CSTF3: variants seen among roughly 807,000 people sequenced by gnomAD.
CSTF3 encodes CF-1 77 kDa subunit.
Under a neutral mutation model 105.8 loss-of-function variants are expected in CSTF3, and 29 were observed. That is an observed-to-expected ratio of 0.27 (90% confidence interval 0.20 to 0.37). The LOEUF is 0.37. Ranked by LOEUF, CSTF3 falls within the 10% of genes least tolerant of loss-of-function variation. The probability of loss-of-function intolerance (pLI) is 1.00; values close to 1 mark genes in which losing one functional copy is unlikely to be tolerated. For synonymous variants in CSTF3, 252 were observed against 281.9 expected (o/e 0.89, Z 1.06); for missense variants, 357 against 879.3 (o/e 0.41, Z 7.51).
chr11:33,107,958 A>G lies in CSTF3; in HGVS notation c.301T>C (p.Trp101Arg), dbSNP rs976474876. The G allele has an allele frequency of 6.2e-7, 1 of 1,611,838 alleles. No homozygotes were observed. The highest frequency in any genetic ancestry group is 8.5e-7 in the Non-Finnish European group (1 of 1,179,072). Residue 101 changes from tryptophan (W) to arginine (R), a missense_variant, in exon 5 of 21, where the codon TGG becomes CGG. This residue lies in a region of CSTF3 where 78 missense variants were observed against 180.4 expected (regional missense o/e 0.43). Transcript: ENST00000323959. ...CLMKVLHIDLWKCYLSYVRET... is the reference protein window; with the variant it reads ...CLMKVLHIDLRKCYLSYVRET... ...CGGACATATGAAAGATAACACTTCC[A>G]TAAATCAATGTGCAAAACCTTCATA...
intron 1 of CSTF3, among the ~76,000 whole-genome samples, chr11:33,147,261 C>T (rs1168145651): frequency 2.0e-5 from 3 of 151,808 alleles, no homozygotes; most frequent in Non-Finnish European, 4.4e-5. Flanking sequence ...TGCGCCACTG[C>T]ACTCCAGCCT....
intron 1 of CSTF3, among the ~76,000 whole-genome samples, chr11:33,159,642 G>A (rs1004192689): frequency 1.3e-5 from 2 of 150,158 alleles, no homozygotes; most frequent in Non-Finnish European, 3.0e-5. Flanking sequence ...GCATGGTGGC[G>A]CGCGCCTGTA....
At chr11:33,127,506 TTATTTA>T (rs1855555763) in intron 3 of CSTF3, among the ~76,000 whole-genome samples, 1 of 152,180 alleles carries the variant, frequency 6.6e-6, no homozygotes, top group Non-Finnish European at 1.5e-5. Context: ...CAACACATTC[TTATTTA>T]TATTTCTCTC....
chr11:33,087,963 G>A (rs894315537), intron 17 of CSTF3, among the ~76,000 whole-genome samples: 3 of 152,168 alleles, frequency 2.0e-5, no homozygotes, highest in Non-Finnish European at 4.4e-5. Context: ...CTCTGCTCCA[G>A]ACAACCCAGT....
At chr11:33,151,763 T>C (rs1311230877) in intron 1 of CSTF3, among the ~76,000 whole-genome samples, 1 of 152,242 alleles carries the variant, frequency 6.6e-6, no homozygotes, top group Non-Finnish European at 1.5e-5. Flanking sequence ...TCTTATGTTT[T>C]ACCTTCTGAA....
chr11:33,139,892 GA>G (rs1855692012), intron 3 of CSTF3, among the ~76,000 whole-genome samples: 1 of 151,906 alleles, frequency 6.6e-6, no homozygotes, highest in Non-Finnish European at 1.5e-5. Context: ...TGGTCTTCCT[GA>G]AACTTTTTTT....
chr11:33,117,137 C>T (rs904724801), intron 3 of CSTF3, among the ~76,000 whole-genome samples: 4 of 151,940 alleles, frequency 2.6e-5, no homozygotes, highest in Admixed American at 2.0e-4. Flanking sequence ...GTAGGGTATA[C>T]AATACCTAAG....
In CSTF3 at chr11:33,099,545, G is replaced by A; in HGVS notation, c.936+63C>T. The A allele has an allele frequency of 9.5e-7, 1 of 1,052,586 alleles. No individual in the cohort carries two copies. Among genetic ancestry groups the A allele is most frequent in the East Asian group, 2.6e-5 (1 of 38,854 alleles). The allele number at this position is 1,052,586 out of a possible 1,614,324, so 65.2% of individuals were successfully genotyped here. A position where few individuals can be genotyped will look rare whatever the true frequency, so the allele number is the denominator to read the frequency against. On this transcript the variant is annotated intron_variant, in intron 11 of 20. Transcript: ENST00000323959. The surrounding 1 kb of genome is among the most constrained non-coding windows in gnomAD (Gnocchi z 4.1). ...TACCAAAATTCAGTTATATTTTTCAGTAAATAATTGCTATATCAAAACCAC... is the reference window on the plus strand; with the variant it reads ...TACCAAAATTCAGTTATATTTTTCAATAAATAATTGCTATATCAAAACCAC...
chr11:33,140,774 T>A (rs550526433), intron 3 of CSTF3, among the ~76,000 whole-genome samples: 1 of 152,182 alleles, frequency 6.6e-6, no homozygotes, highest in South Asian at 2.1e-4. Flanking sequence ...ATATTAAAAA[T>A]AAGAGTACTG....
intron 16 of CSTF3, 76 bp downstream of exon 16, chr11:33,092,195 A>T: frequency 1.0e-6 from 1 of 962,638 alleles, no homozygotes; most frequent in South Asian, 1.9e-5. Flanking sequence ...TCAAGCAAAC[A>T]TTCACCCCAT....
intron 16 of CSTF3, among the ~76,000 whole-genome samples, chr11:33,091,018 A>G (rs1165516320): frequency 6.6e-6 from 1 of 152,104 alleles, no homozygotes; most frequent in African/African-American, 2.4e-5. Context: ...TTGAGTTTTT[A>G]CTTATTTAGT....
chr11:33,130,320 A>G (rs760275071), intron 3 of CSTF3, among the ~76,000 whole-genome samples: 2 of 152,086 alleles, frequency 1.3e-5, no homozygotes, highest in Non-Finnish European at 2.9e-5. Flanking sequence ...TAAAGATACA[A>G]AAATTAGCCA....
At chr11:33,104,798 T>C (rs974546513) in intron 8 of CSTF3, among the ~76,000 whole-genome samples, 1 of 152,166 alleles carries the variant, frequency 6.6e-6, no homozygotes, top group Non-Finnish European at 1.5e-5. Context: ...TTTGTGATCT[T>C]CAATAACTGT....
chr11:33,157,647 C>T (rs1239331506), intron 1 of CSTF3, among the ~76,000 whole-genome samples: 1 of 152,036 alleles, frequency 6.6e-6, no homozygotes, highest in Non-Finnish European at 1.5e-5. Flanking sequence ...TAATTTCCCT[C>T]TGTTAGGGGG....
chr11:33,149,967 C>T (rs1214820693), intron 1 of CSTF3, among the ~76,000 whole-genome samples: 2 of 152,164 alleles, frequency 1.3e-5, no homozygotes, highest in East Asian at 3.9e-4. Flanking sequence ...TGCAGTGAGC[C>T]GAGATCATGC....
At chr11:33,091,564 C>T (rs7395436) in intron 16 of CSTF3, among the ~76,000 whole-genome samples, 15 of 152,012 alleles carry the variant, frequency 9.9e-5, no homozygotes, top group Non-Finnish European at 1.8e-4. Flanking sequence ...AAAACTAACA[C>T]GAGACAAAAC....
rs900181080 is a variant in CSTF3 at position 33,141,966 on chromosome 11, C to T, written c.48G>A (p.Glu16=). 27 of 1,613,466 alleles carry T rather than the reference C, an allele frequency of 1.7e-5. No homozygotes were observed. The highest frequency in any genetic ancestry group is 2.2e-5 in the Non-Finnish European group (26 of 1,179,810). The change falls in exon 2 of 21, where the codon GAG becomes GAA. Residue 16 remains glutamate (E), a synonymous_variant. Transcript: ENST00000323959. Reference sequence around the variant, plus strand: ...ATTTCTTTTCCGCTTTCTTCACCTTCTCTGGGACATACTCAGCTGCCTGGG... The same window carrying T: ...ATTTCTTTTCCGCTTTCTTCACCTTTTCTGGGACATACTCAGCTGCCTGGG... ...ATEQAAEYVP[E]KVKKAEKKLE... is the part of the protein sequence containing the mutation.
At chr11:33,100,548 C>A (rs1167582849) in intron 10 of CSTF3, among the ~76,000 whole-genome samples, 1 of 152,008 alleles carries the variant, frequency 6.6e-6, no homozygotes, top group Non-Finnish European at 1.5e-5. Flanking sequence ...GTGGAAGGCA[C>A]GGTGAATATA....
chr11:33,108,692 G>A (rs1175253741), intron 3 of CSTF3, among the ~76,000 whole-genome samples: 1 of 152,126 alleles, frequency 6.6e-6, no homozygotes, highest in African/African-American at 2.4e-5. Flanking sequence ...GATGAATACA[G>A]AAATATACAC....
Sources: gnomAD v4.1 joint callset for allele counts (sites outside exome capture counted in the v4.1 genomes callset) on GRCh38, gnomAD v4.1.1 for gene constraint, gnomAD v4.1.1 regional missense constraint, Gnocchi (gnomAD v3.1) non-coding constraint, MANE v1.5 for transcripts, NCBI Gene and HGNC (gene_info 2026-07-23, HGNC 2026-07-21) for gene names.